Variants in KCNC2 observed in about 807,000 individuals in gnomAD.
The protein encoded by KCNC2 is potassium voltage-gated channel subfamily C member 2.
A neutral mutation model predicts 44.5 loss-of-function variants in KCNC2; 21 were observed. That is an observed-to-expected ratio of 0.47 (90% CI 0.33 to 0.68). The LOEUF is 0.68. KCNC2 is among the 30% of genes least tolerant of loss of function. The pLI, the probability that KCNC2 is intolerant of heterozygous loss-of-function variation, is 0.01. For synonymous variants in KCNC2, 391 were observed against 339.1 expected (o/e 1.15, Z -1.68); for missense variants, 589 against 826.2 (o/e 0.71, Z 3.52).
At chr12:75,206,397 A>C (rs1236513758) in intron 2 of KCNC2, among the ~76,000 whole-genome samples, 3 of 152,218 alleles carry the variant, frequency 2.0e-5, no homozygotes. Context: ...TTACTTTTAT[A>C]ATCTCTTCAT....
At chr12:75,057,540 T>C (rs1358109450) in intron 2 of KCNC2, among the ~76,000 whole-genome samples, 2 of 151,996 alleles carry the variant, frequency 1.3e-5, no homozygotes, top group African/African-American at 2.4e-5. Context: ...TTGAATTAGA[T>C]TGAAGAAAGC....
chr12:75,207,813 C>A lies in KCNC2; in HGVS notation c.171G>T (p.Ser57=). 1 of 1,601,850 alleles carries A rather than the reference C, an allele frequency of 6.2e-7. No homozygotes were observed. The highest frequency in any genetic ancestry group is 8.5e-7 in the Non-Finnish European group (1 of 1,176,200). ...LTTAGDKLQP[S]PPPLSPPPRA... is the part of the protein sequence containing the mutation. ...TCGGCGGCGGCGACAGTGGAGGCGGCGACGGCTGCAGCTTGTCGCCCGCCG... is the reference window on the plus strand; with the variant it reads ...TCGGCGGCGGCGACAGTGGAGGCGGAGACGGCTGCAGCTTGTCGCCCGCCG... The change falls in exon 2 of 5, where the codon TCG becomes TCT. Residue 57 remains serine (S), a synonymous_variant. Coordinates refer to ENST00000549446, the MANE Select transcript of KCNC2 (RefSeq NM_139137.4). The surrounding 1 kb of genome is among the most constrained non-coding windows in gnomAD (Gnocchi z 4.1).
chr12:75,078,190 G>A (rs1229445659), intron 2 of KCNC2, among the ~76,000 whole-genome samples: 3 of 152,144 alleles, frequency 2.0e-5, no homozygotes, highest in African/African-American at 7.2e-5. Context: ...TAAGTGCAAA[G>A]AGAAGGTCCA....
intron 2 of KCNC2, among the ~76,000 whole-genome samples, chr12:75,130,796 A>T (rs1169081273): frequency 6.6e-6 from 1 of 151,436 alleles, no homozygotes; most frequent in Non-Finnish European, 1.5e-5. Context: ...AAAAAAAAAA[A>T]CAATGCACAT....
intron 2 of KCNC2, among the ~76,000 whole-genome samples, chr12:75,071,937 CAAAAA>C (rs751849483): frequency 2.1e-4 from 14 of 67,360 alleles, no homozygotes; most frequent in African/African-American, 5.7e-4. Context: ...GACTCCTTCT[CAAAAA>C]AAAAAAAAAA....
intron 2 of KCNC2, among the ~76,000 whole-genome samples, chr12:75,154,706 T>A (rs1376098844): frequency 2.0e-5 from 3 of 151,986 alleles, no homozygotes; most frequent in African/African-American, 7.2e-5. Context: ...GTCACCCAAA[T>A]AAGTAGGAAA....
Position 75,040,771 on chromosome 12 carries a change from A to C in KCNC2, c.*2334T>G. The C allele has an allele frequency of 4.6e-6, 1 of 216,658 alleles. No individual in the cohort carries two copies. Among genetic ancestry groups the C allele is most frequent in the Non-Finnish European group, 9.2e-6 (1 of 108,174 alleles). 13.4% of individuals were successfully genotyped at this position (216,658 alleles called of 1,614,324 possible). A position where few individuals can be genotyped will look rare whatever the true frequency, so the allele number is the denominator to read the frequency against. On this transcript the variant is annotated 3_prime_UTR_variant, in exon 5 of 5. Transcript: ENST00000549446. ...AGTAGAAATAAGGGAAATTAAGACA[A>C]AACTATACTACATCAGTATCACTGC...
At chr12:75,208,826 A>T (rs531328463) in intron 1 of KCNC2, among the ~76,000 whole-genome samples, 1 of 152,068 alleles carries the variant, frequency 6.6e-6, no homozygotes, top group Non-Finnish European at 1.5e-5. Flanking sequence ...TATTATTATT[A>T]TTGTTGTTGA....
chr12:75,087,996 G>GA (rs34692922), intron 2 of KCNC2, among the ~76,000 whole-genome samples: 65,027 of 149,436 alleles, frequency 0.44, 15,235 homozygotes, highest in African/African-American at 0.59. Context: ...ATCAGTTATG[G>GA]AAAAAAAAAA....
intron 2 of KCNC2, among the ~76,000 whole-genome samples, chr12:75,067,887 A>C (rs562415912): frequency 7.9e-5 from 12 of 152,054 alleles, no homozygotes; most frequent in South Asian, 4.1e-4. Flanking sequence ...CAAAAAAAAA[A>C]CATACTTTTT....
intron 2 of KCNC2, among the ~76,000 whole-genome samples, chr12:75,078,576 A>G (rs1265890109): frequency 6.6e-6 from 1 of 152,176 alleles, no homozygotes; most frequent in Non-Finnish European, 1.5e-5. Context: ...GTGTACATGT[A>G]TGAACTCATT....
chr12:75,200,464 A>C (rs1456943458), intron 2 of KCNC2, among the ~76,000 whole-genome samples: 1 of 151,798 alleles, frequency 6.6e-6, no homozygotes, highest in Admixed American at 6.6e-5. Flanking sequence ...AATAACATGC[A>C]CACACGCACT....
chr12:75,105,713 G>T (rs1886729676), intron 2 of KCNC2, among the ~76,000 whole-genome samples: 2 of 152,118 alleles, frequency 1.3e-5, no homozygotes, highest in Admixed American at 6.6e-5. Context: ...ACAAATCGAA[G>T]AATCAAGTTG....
chr12:75,055,986 G>A (rs1360520441), intron 2 of KCNC2, among the ~76,000 whole-genome samples: 1 of 151,812 alleles, frequency 6.6e-6, no homozygotes, highest in Non-Finnish European at 1.5e-5. Flanking sequence ...TCAAAACTGT[G>A]CCTAGACTGT....
At chr12:75,153,888 G>T (rs559633490) in intron 2 of KCNC2, among the ~76,000 whole-genome samples, 1 of 152,010 alleles carries the variant, frequency 6.6e-6, no homozygotes, top group Non-Finnish European at 1.5e-5. Flanking sequence ...GGAGGAGGCA[G>T]AAGACAAGAG....
intron 2 of KCNC2, among the ~76,000 whole-genome samples, chr12:75,176,814 G>T (rs921765002): frequency 6.6e-6 from 1 of 151,640 alleles, no homozygotes; most frequent in African/African-American, 2.4e-5. Flanking sequence ...CAGTAATCCA[G>T]GTCCTGGGAA....
chr12:75,208,030 T>C, intron 1 of KCNC2, 28 bp from the exon 2 acceptor site: 1 of 1,605,704 alleles, frequency 6.2e-7, no homozygotes, highest in South Asian at 1.1e-5. Flanking sequence ...CAGCGCCGAG[T>C]TAAAGATCTT....
chr12:75,182,411 T>C (rs938810820), intron 2 of KCNC2, among the ~76,000 whole-genome samples: 3 of 149,882 alleles, frequency 2.0e-5, no homozygotes, highest in Non-Finnish European at 3.0e-5. Flanking sequence ...TAGTCCCAGC[T>C]ACTTGGGAGG....
chr12:75,102,098 G>A (rs1295817783), intron 2 of KCNC2, among the ~76,000 whole-genome samples: 2 of 152,076 alleles, frequency 1.3e-5, no homozygotes, highest in Non-Finnish European at 2.9e-5. Flanking sequence ...TATTTCATCA[G>A]TGGAGAGTGT....
Sources: gnomAD v4.1 joint callset for allele counts (sites outside exome capture counted in the v4.1 genomes callset) on GRCh38, gnomAD v4.1.1 for gene constraint, Gnocchi (gnomAD v3.1) non-coding constraint, MANE v1.5 for transcripts, NCBI Gene and HGNC (gene_info 2026-07-23, HGNC 2026-07-21) for gene names.